PEX14: variants seen among roughly 807,000 people sequenced by gnomAD.
PEX14 encodes the protein peroxisomal biogenesis factor 14.
In PEX14, 15 loss-of-function variants were observed where a neutral mutation model predicts 49.5. That is an observed-to-expected ratio of 0.30 (90% CI 0.20 to 0.47). The LOEUF (loss-of-function observed/expected upper bound fraction) is 0.47. Ranked by LOEUF, PEX14 falls within the 20% of genes least tolerant of loss-of-function variation. The probability of loss-of-function intolerance (pLI) is 1.00; values close to 1 mark genes in which losing one functional copy is unlikely to be tolerated. For missense variants in PEX14, 398 were observed against 494.8 expected (o/e 0.80, Z 1.86); for synonymous variants, 210 against 212.7 (o/e 0.99, Z 0.11).
intron 1 of PEX14, among the ~76,000 whole-genome samples, chr1:10,476,925 A>G (rs560483648): frequency 6.6e-6 from 1 of 152,132 alleles, no homozygotes; most frequent in Non-Finnish European, 1.5e-5. Context: ...TATGTATTTA[A>G]TAGAAAAGGA....
rs1321615041 is a variant in PEX14, at chr1:10,628,612, G to A, written c.678-919G>A. ...AACCGAGACCAGTGCCTTGGAGGCT[G>A]GGGATGGAGGCCAGGCCATCGGGTG... On this transcript the variant is annotated intron_variant, in intron 8 of 8. Coordinates refer to ENST00000356607, the MANE Select transcript of PEX14 (RefSeq NM_004565.3). This position sits in a 1 kb window ranked among gnomAD's most constrained non-coding sequence, Gnocchi z 4.5. 6.6e-6 allele frequency among the ~76,000 whole-genome samples: 1 copy of A among 152,256 alleles called. No individual in the cohort carries two copies. The highest frequency in any genetic ancestry group is 1.5e-5 in the Non-Finnish European group (1 of 68,044).
intron 2 of PEX14, among the ~76,000 whole-genome samples, chr1:10,524,208 G>A (rs2124460396): frequency 6.6e-6 from 1 of 152,308 alleles, no homozygotes; most frequent in East Asian, 1.9e-4. Context: ...CAAGAAGAGA[G>A]AGAGAGAAAG....
At chr1:10,492,827 G>A (rs908985895) in intron 1 of PEX14, among the ~76,000 whole-genome samples, 3 of 152,194 alleles carry the variant, frequency 2.0e-5, no homozygotes, top group African/African-American at 4.8e-5. Flanking sequence ...TTCTGCACAC[G>A]TGGAGTTTAT....
intron 2 of PEX14, among the ~76,000 whole-genome samples, chr1:10,525,405 G>A (rs956358226): frequency 6.6e-6 from 1 of 152,078 alleles, no homozygotes; most frequent in African/African-American, 2.4e-5. Context: ...GTGTTGATAT[G>A]TTACTTGTGA....
At chr1:10,546,837 C>G (rs1258906068) in intron 3 of PEX14, among the ~76,000 whole-genome samples, 2 of 152,032 alleles carry the variant, frequency 1.3e-5, no homozygotes, top group Admixed American at 1.3e-4. Context: ...CCACTGCACT[C>G]CAGCCTGGGT....
chr1:10,551,892 A>T (rs1204790310), intron 3 of PEX14, among the ~76,000 whole-genome samples: 2 of 152,044 alleles, frequency 1.3e-5, no homozygotes, highest in Non-Finnish European at 2.9e-5. Flanking sequence ...GTGGAGTTCG[A>T]GACCAGCTTG....
chr1:10,553,665 C>T (rs891400326), intron 3 of PEX14, among the ~76,000 whole-genome samples: 4 of 152,144 alleles, frequency 2.6e-5, no homozygotes, highest in Non-Finnish European at 4.4e-5. Flanking sequence ...AAGAGAAGGT[C>T]CCACTGATTT....
chr1:10,481,236 C>T (rs10864458), intron 1 of PEX14, among the ~76,000 whole-genome samples: 83,810 of 150,610 alleles, frequency 0.56, 26,285 homozygotes, highest in East Asian at 0.72. Context: ...TTCCTGGGTT[C>T]AAGCAATTCT....
intron 3 of PEX14, among the ~76,000 whole-genome samples, chr1:10,566,070 C>T (rs939632872): frequency 6.6e-6 from 1 of 152,262 alleles, no homozygotes; most frequent in African/African-American, 2.4e-5. Flanking sequence ...TCTGCAGTTC[C>T]CTTCTCACTG....
chr1:10,494,655 A>C lies in PEX14; in HGVS notation c.37-619A>C, dbSNP rs1570148844. ...CTGGAGGTTGGTCTGCTTATATGCC[A>C]GCCTGTCACTAGCTTATTTCCAAGA... On this transcript the variant is annotated intron_variant, in intron 1 of 8. Coordinates refer to ENST00000356607, the MANE Select transcript of PEX14 (RefSeq NM_004565.3). The surrounding 1 kb of genome is among the most constrained non-coding windows in gnomAD (Gnocchi z 4.3). Among the ~76,000 whole-genome samples the C allele has an allele frequency of 6.6e-6, 1 of 152,184 alleles. No homozygotes were observed. Among genetic ancestry groups the C allele is most frequent in the East Asian group, 1.9e-4 (1 of 5,192 alleles).
chr1:10,604,885 T>A (rs927277223), intron 4 of PEX14, among the ~76,000 whole-genome samples: 25 of 152,146 alleles, frequency 1.6e-4, no homozygotes, highest in African/African-American at 6.0e-4. Flanking sequence ...TGGGGGGGCA[T>A]CAGCCGGAGG....
intron 3 of PEX14, among the ~76,000 whole-genome samples, chr1:10,558,180 G>C (rs1639549699): frequency 6.6e-6 from 1 of 151,984 alleles, no homozygotes; most frequent in Non-Finnish European, 1.5e-5. Context: ...TAAAAATTTT[G>C]TATTTTTAAT....
At chr1:10,614,487 A>G (rs1641357032) in intron 4 of PEX14, among the ~76,000 whole-genome samples, 1 of 152,064 alleles carries the variant, frequency 6.6e-6, no homozygotes, top group South Asian at 2.1e-4. Context: ...TGAGGCAGCT[A>G]TTGGGAGGGT....
At chr1:10,618,781 A>C (rs979794015) in intron 5 of PEX14, among the ~76,000 whole-genome samples, 1 of 152,224 alleles carries the variant, frequency 6.6e-6, no homozygotes, top group Non-Finnish European at 1.5e-5. Context: ...GGCGAAGAGC[A>C]TGGACGCTGG....
chr1:10,589,948 G>A (rs1453395903), intron 3 of PEX14, among the ~76,000 whole-genome samples: 1 of 152,152 alleles, frequency 6.6e-6, no homozygotes, highest in Non-Finnish European at 1.5e-5. Context: ...TGAATGATAG[G>A]CTGGAAGTCA....
intron 4 of PEX14, among the ~76,000 whole-genome samples, chr1:10,604,854 G>T (rs1641084232): frequency 6.6e-6 from 1 of 152,130 alleles, no homozygotes; most frequent in South Asian, 2.1e-4. Context: ...GTGCCATGAG[G>T]TTAGTTAGGG....
At position 10,612,573 on chromosome 1, in the gene PEX14, C is replaced by T. The variant is rs1320023805; in HGVS notation, c.299-5759C>T. 3.3e-5 allele frequency among the ~76,000 whole-genome samples: 5 copies of T among 152,194 alleles called. No individual in the cohort carries two copies. The South Asian group carries it at 8.3e-4, about 25-fold the overall frequency. On this transcript the variant is annotated intron_variant, in intron 4 of 8. Transcript: ENST00000356607. ...GGCTGCCAAGTCCTTCTGTTCAGAG[C>T]AGAGACGATCTGTTTCTGTTGCTGC...
At chr1:10,572,092 T>C (rs1639994586) in intron 3 of PEX14, among the ~76,000 whole-genome samples, 1 of 152,166 alleles carries the variant, frequency 6.6e-6, no homozygotes, top group East Asian at 1.9e-4. Context: ...GAGAATTTCC[T>C]GAAATTAAAG....
At chr1:10,588,232 A>G (rs1000177990) in intron 3 of PEX14, among the ~76,000 whole-genome samples, 1 of 151,886 alleles carries the variant, frequency 6.6e-6, no homozygotes, top group Non-Finnish European at 1.5e-5. Context: ...AAAAAAAAAG[A>G]CATGGAGTCT....
Sources: gnomAD v4.1 joint callset for allele counts (sites outside exome capture counted in the v4.1 genomes callset) on GRCh38, gnomAD v4.1.1 for gene constraint, Gnocchi (gnomAD v3.1) non-coding constraint, MANE v1.5 for transcripts, NCBI Gene and HGNC (gene_info 2026-07-23, HGNC 2026-07-21) for gene names.